WLS: variants seen among roughly 807,000 people sequenced by gnomAD.
WLS encodes the protein Wnt ligand secretion mediator, also known as protein wntless homolog.
A neutral mutation model predicts 62.8 loss-of-function variants in WLS; 23 were observed. That is an observed-to-expected ratio of 0.37 (90% CI 0.26 to 0.52). The LOEUF is 0.52. Ranked by LOEUF, WLS falls within the 20% of genes least tolerant of loss-of-function variation. The pLI is 0.92. For synonymous variants in WLS, 246 were observed against 244.1 expected, an observed-to-expected ratio of 1.01 and a Z score of -0.07; for missense variants, 615 against 697.3, an observed-to-expected ratio of 0.88 and a Z score of 1.33.
chr1:68,180,654 A>G (rs1221520913), intron 2 of WLS, among the ~76,000 whole-genome samples: 2 of 152,116 alleles, frequency 1.3e-5, no homozygotes, highest in Non-Finnish European at 2.9e-5. Flanking sequence ...GATTACCAAT[A>G]AATAGCATGG....
intron 2 of WLS, among the ~76,000 whole-genome samples, chr1:68,173,922 T>C (rs1223220353): frequency 6.6e-6 from 1 of 152,154 alleles, no homozygotes; most frequent in Non-Finnish European, 1.5e-5. Flanking sequence ...AATTATACTC[T>C]GCCTAGCCTG....
intron 11 of WLS, among the ~76,000 whole-genome samples, chr1:68,116,389 A>G (rs558716847): frequency 6.6e-6 from 1 of 152,318 alleles, no homozygotes; most frequent in Non-Finnish European, 1.5e-5. Context: ...TTTTCCATCT[A>G]ATAATGGCTC....
At chr1:68,204,606 C>A (rs1023968422) in intron 1 of WLS, among the ~76,000 whole-genome samples, 2 of 152,018 alleles carry the variant, frequency 1.3e-5, no homozygotes, top group Non-Finnish European at 2.9e-5. Flanking sequence ...CGCGCCCGGC[C>A]GGAAATATTT....
At chr1:68,109,813 G>T (rs973474415) in intron 11 of WLS, among the ~76,000 whole-genome samples, 1 of 151,726 alleles carries the variant, frequency 6.6e-6, no homozygotes, top group Non-Finnish European at 1.5e-5. Flanking sequence ...ACAGCAAAGG[G>T]ATTTTAAACA....
At position 68,138,778 on chromosome 1, in the gene WLS, C is replaced by T. The variant is rs556432131; in HGVS notation, c.1363-845G>A. On this transcript the variant is annotated intron_variant, in intron 10 of 11. Coordinates refer to ENST00000262348, the MANE Select transcript of WLS (RefSeq NM_024911.7). ...GAGACAAATGAAATGATTTTGACCA[C>T]TTCTGCTTACTACGGGACACTTAAA... 3.3e-5 allele frequency among the ~76,000 whole-genome samples: 5 copies of T among 152,314 alleles called. No homozygotes were observed. The East Asian group carries it at 5.8e-4, about 18-fold the overall frequency.
intron 11 of WLS, among the ~76,000 whole-genome samples, chr1:68,099,576 C>T (rs1646051452): frequency 6.6e-6 from 1 of 152,106 alleles, no homozygotes; most frequent in African/African-American, 2.4e-5. Context: ...GCATAAGGGA[C>T]CATTTGCATG....
At position 68,125,499 on chromosome 1, in the gene WLS, A is replaced by T; in HGVS notation, c.*727T>A. Reference sequence around the variant, plus strand: ...CGCATTTTAAGCAAGAAGTTAAAAAAGCTTTTCAGACCCGAAGGCCATTTA... The same window carrying T: ...CGCATTTTAAGCAAGAAGTTAAAAATGCTTTTCAGACCCGAAGGCCATTTA... On this transcript the variant is annotated 3_prime_UTR_variant, in exon 12 of 12. Transcript: ENST00000262348. 1 of 985,444 alleles carries T rather than the reference A, an allele frequency of 1.0e-6. No homozygotes were observed. The highest frequency in any genetic ancestry group is 1.2e-6 in the Non-Finnish European group (1 of 829,922). 61.0% of individuals were successfully genotyped at this position (985,444 alleles called of 1,614,324 possible).
chr1:68,193,976 A>C lies in WLS; in HGVS notation c.358T>G (p.Phe120Val), dbSNP rs1230040980. 1.2e-6 allele frequency: 2 copies of C among 1,614,048 alleles called. No homozygotes were observed. The highest frequency in any genetic ancestry group is 1.7e-6 in the Non-Finnish European group (2 of 1,179,912). ...MLFILQLDIA[F>V]KLNNQIRENA... is the part of the protein sequence containing the mutation. ...TAACTGATTTGGTTGTTTAGCTTGA[A>C]GGCAATGTCCAGCTGCAGGATAAAC... is the stretch of plus-strand genomic sequence containing the variant. Residue 120 changes from phenylalanine (F) to valine (V), a missense_variant, in exon 2 of 12, where the codon TTC (phenylalanine) becomes GTC (valine). By Grantham distance (50) the Phe-to-Val change is conservative. Coordinates refer to ENST00000262348, the MANE Select transcript of WLS (RefSeq NM_024911.7).
intron 11 of WLS, among the ~76,000 whole-genome samples, chr1:68,115,772 C>G (rs1646283976): frequency 6.6e-6 from 1 of 151,940 alleles, no homozygotes; most frequent in African/African-American, 2.4e-5. Flanking sequence ...ATATGTTTTT[C>G]TCTTCTTATA....
chr1:68,159,130 G>A lies in WLS; in HGVS notation c.497C>T (p.Ser166Phe), dbSNP rs1339153382. 2.5e-6 allele frequency: 4 copies of A among 1,613,992 alleles called. No homozygotes were observed. Among genetic ancestry groups the A allele is most frequent in the Non-Finnish European group, 3.4e-6 (4 of 1,179,958 alleles). The change falls in exon 3 of 12, where the codon TCT becomes TTT. Residue 166 changes from serine (S) to phenylalanine (F), a missense_variant. Transcript: ENST00000262348. The stretch of plus-strand genomic sequence containing the variant: ...GACAGCAAGGGGTCATACCTTGGGA[G>A]ATGTGAAGGTGCATTTGAGTTTCCG... ...VPRKLKCTFTSPKTPEHEGRY... is the reference protein window; with the variant it reads ...VPRKLKCTFTFPKTPEHEGRY...
chr1:68,194,492 C>T (rs899142814), intron 1 of WLS, among the ~76,000 whole-genome samples: 5 of 152,160 alleles, frequency 3.3e-5, no homozygotes, highest in African/African-American at 1.2e-4. Flanking sequence ...AGTTATACTT[C>T]CCCACTTCAA....
chr1:68,230,053 A>C (rs1260791384), intron 1 of WLS, among the ~76,000 whole-genome samples: 1 of 152,106 alleles, frequency 6.6e-6, no homozygotes, highest in African/African-American at 2.4e-5. Flanking sequence ...CTGACCCTAT[A>C]GTCGCTCCAA....
intron 11 of WLS, chr1:68,127,249 A>G (rs1256123794): frequency 1.8e-5 from 4 of 222,950 alleles, no homozygotes; most frequent in African/African-American, 9.5e-5. Context: ...AGCAAATAAG[A>G]CCTGCTTATA....
chr1:68,212,556 A>G (rs1001924869), intron 1 of WLS, among the ~76,000 whole-genome samples: 1 of 152,200 alleles, frequency 6.6e-6, no homozygotes, highest in Non-Finnish European at 1.5e-5. Context: ...TCGGGAGTTG[A>G]CATAATGCAC....
chr1:68,202,140 C>G (rs944557694), intron 1 of WLS: 2 of 152,290 alleles, frequency 1.3e-5, no homozygotes, highest in East Asian at 1.9e-4. Context: ...AATGGAGGAG[C>G]ATTGGAACCA....
At chr1:68,126,450 G>C (rs527856826) in intron 11 of WLS, 115 bp from the exon 12 acceptor site, 13 of 1,347,872 alleles carry the variant, frequency 9.6e-6, no homozygotes, top group South Asian at 5.4e-5. Context: ...TGAGCACACA[G>C]AGACACCTAG....
At chr1:68,220,288 A>C (rs1649890044) in intron 1 of WLS, among the ~76,000 whole-genome samples, 1 of 152,218 alleles carries the variant, frequency 6.6e-6, no homozygotes, top group African/African-American at 2.4e-5. Context: ...CATTGACCTT[A>C]CGAGACACAA....
intron 1 of WLS, among the ~76,000 whole-genome samples, chr1:68,228,842 C>CAAAAAAAAAA (rs66626696): frequency 1.5e-3 from 88 of 58,032 alleles, no homozygotes; most frequent in East Asian, 3.4e-3. Flanking sequence ...ACACTGGTGC[C>CAAAAAAAAAA]AAAAAAAAAA....
chr1:68,169,404 A>T (rs553788207), intron 2 of WLS, among the ~76,000 whole-genome samples: 1 of 152,308 alleles, frequency 6.6e-6, no homozygotes, highest in South Asian at 2.1e-4. Context: ...GAAAAAAACC[A>T]TATCTATTGT....
Sources: gnomAD v4.1 joint callset for allele counts (sites outside exome capture counted in the v4.1 genomes callset) on GRCh38, gnomAD v4.1.1 for gene constraint, MANE v1.5 for transcripts, NCBI Gene and HGNC (gene_info 2026-07-23, HGNC 2026-07-21) for gene names.